Variants in EIF4E observed in about 807,000 individuals in gnomAD.
EIF4E encodes the protein eukaryotic translation initiation factor 4E.
For synonymous variants in EIF4E, 71 were observed against 88.5 expected (o/e 0.80, Z 1.11); for missense variants, 113 against 265.6 (o/e 0.43, Z 3.99).
chr4:98,896,021 C>A (rs184223489), intron 2 of EIF4E, among the ~76,000 whole-genome samples: 1 of 100,558 alleles, frequency 9.9e-6, no homozygotes, highest in East Asian at 2.0e-4. Flanking sequence ...CACGGTGAAA[C>A]CCCGTCTCTA....
At chr4:98,919,341 A>AC (rs200093698) in intron 1 of EIF4E, among the ~76,000 whole-genome samples, 1 of 147,050 alleles carries the variant, frequency 6.8e-6, no homozygotes, top group Non-Finnish European at 1.5e-5. Context: ...GCAAAAAAAA[A>AC]AAAAACAAAA....
At chr4:98,904,207 T>C (rs1724765064) in intron 1 of EIF4E, among the ~76,000 whole-genome samples, 2 of 152,168 alleles carry the variant, frequency 1.3e-5, no homozygotes, top group South Asian at 4.1e-4. Context: ...TGTCTGTAAT[T>C]GCAGCACTTT....
chr4:98,928,341 C>A (rs908693629), intron 1 of EIF4E, among the ~76,000 whole-genome samples: 5 of 152,054 alleles, frequency 3.3e-5, no homozygotes, highest in Non-Finnish European at 7.4e-5. Context: ...ATGTGATACC[C>A]CTTCTCACCA....
chr4:98,923,633 A>T (rs1015868955), intron 1 of EIF4E, among the ~76,000 whole-genome samples: 2 of 152,132 alleles, frequency 1.3e-5, no homozygotes, highest in Non-Finnish European at 1.5e-5. Context: ...TGGAGACATG[A>T]TTAGGGACTT....
intron 6 of EIF4E, among the ~76,000 whole-genome samples, chr4:98,884,540 C>T (rs932038192): frequency 6.6e-6 from 1 of 151,984 alleles, no homozygotes; most frequent in Non-Finnish European, 1.5e-5. Context: ...CTGGTCTCTA[C>T]TAAAAATATA....
At chr4:98,911,538 G>A (rs1725134799) in intron 1 of EIF4E, among the ~76,000 whole-genome samples, 1 of 149,562 alleles carries the variant, frequency 6.7e-6, no homozygotes, top group Non-Finnish European at 1.5e-5. Context: ...ACATACGCCT[G>A]TAATCCCAGC....
At chr4:98,927,472 ATGG>A (rs199646819) in intron 1 of EIF4E, among the ~76,000 whole-genome samples, 12,971 of 151,892 alleles carry the variant, frequency 0.085, 1,221 homozygotes, top group East Asian at 0.49. Context: ...CCTGGCCAAC[ATGG>A]TGGAACCCCG....
intron 1 of EIF4E, among the ~76,000 whole-genome samples, chr4:98,927,236 TA>T (rs751599294): frequency 1.3e-5 from 2 of 152,098 alleles, no homozygotes. Context: ...CTGGTGCCAA[TA>T]AAAAAACAAG....
Position 98,885,003 on chromosome 4 carries a change from A to G in EIF4E, c.458T>C (p.Val153Ala). 6.2e-7 allele frequency: 1 copy of G among 1,613,772 alleles called. No individual in the cohort carries two copies. The highest frequency in any genetic ancestry group is 1.1e-5 in the South Asian group (1 of 91,028). The change falls in exon 6 of 7, where the codon GTT becomes GCT. Residue 153 changes from valine (V) to alanine (A), a missense_variant. By Grantham distance (64) the Val-to-Ala change is moderately conservative (BLOSUM62 0). Transcript: ENST00000450253. ...ATCACCTTTAGCTCTAACATTAACAACAGCGCCACATACATCATCACTGTA... is the reference window on the plus strand; with the variant it reads ...ATCACCTTTAGCTCTAACATTAACAGCAGCGCCACATACATCATCACTGTA... ...DDYSDDVCGA[V>A]VNVRAKGDKI...
intron 1 of EIF4E, among the ~76,000 whole-genome samples, chr4:98,911,553 C>T (rs372528531): frequency 1.9e-4 from 28 of 147,620 alleles, no homozygotes; most frequent in African/African-American, 6.9e-4. Flanking sequence ...CCCAGCTACT[C>T]GGGAAGCTGA....
At chr4:98,919,433 A>C (rs531542721) in intron 1 of EIF4E, among the ~76,000 whole-genome samples, 113 of 152,166 alleles carry the variant, frequency 7.4e-4, no homozygotes, top group African/African-American at 2.6e-3. Flanking sequence ...CAGAGCGACA[A>C]GCTTTTCTAG....
chr4:98,892,496 T>C (rs1408691235), intron 2 of EIF4E, among the ~76,000 whole-genome samples: 1 of 151,542 alleles, frequency 6.6e-6, no homozygotes, highest in African/African-American at 2.4e-5. Context: ...CTGGCCAACA[T>C]GGTGAAACCT....
intron 1 of EIF4E, among the ~76,000 whole-genome samples, chr4:98,915,351 T>C (rs1394140611): frequency 6.6e-6 from 1 of 152,026 alleles, no homozygotes; most frequent in African/African-American, 2.4e-5. Flanking sequence ...AACCAAAATA[T>C]TACCAGAGAA....
intron 3 of EIF4E, among the ~76,000 whole-genome samples, 172 bp from the exon 4 acceptor site, chr4:98,888,124 T>A (rs1388970532): frequency 2.6e-5 from 4 of 152,134 alleles, no homozygotes; most frequent in Admixed American, 2.6e-4. Context: ...TAAAAGCAGT[T>A]AAATAATCAA....
chr4:98,884,581 G>C (rs779298183), intron 6 of EIF4E, among the ~76,000 whole-genome samples: 1 of 152,066 alleles, frequency 6.6e-6, no homozygotes, highest in Non-Finnish European at 1.5e-5. Context: ...GCATGCGCCT[G>C]TATTCCCAGC....
At chr4:98,910,582 T>C (rs541819148) in intron 1 of EIF4E, among the ~76,000 whole-genome samples, 2 of 152,306 alleles carry the variant, frequency 1.3e-5, no homozygotes, top group East Asian at 3.9e-4. Flanking sequence ...TGAATAGAGC[T>C]GATTAAGTTT....
intron 2 of EIF4E, among the ~76,000 whole-genome samples, chr4:98,894,690 A>G (rs1724290563): frequency 6.6e-6 from 1 of 152,172 alleles, no homozygotes; most frequent in Non-Finnish European, 1.5e-5. Context: ...CTTACTCTAT[A>G]TCAGCAATAA....
chr4:98,928,896 A>C, intron 1 of EIF4E, 199 bp downstream of exon 1: 1 of 1,555,716 alleles, frequency 6.4e-7, no homozygotes, highest in Non-Finnish European at 8.7e-7. Context: ...GGCCCCCACC[A>C]GAAAGTGTGC....
chr4:98,909,617 AAAT>A (rs1309595163), intron 1 of EIF4E: 4 of 682,772 alleles, frequency 5.9e-6, no homozygotes, highest in Non-Finnish European at 1.1e-5. Flanking sequence ...TCACTTTCTA[AAAT>A]CTGCCAAAGA....
Sources: allele counts gnomAD v4.1 joint callset (sites outside exome capture counted in the v4.1 genomes callset), GRCh38; gene constraint gnomAD v4.1.1; transcripts MANE v1.5; gene names NCBI Gene and HGNC (gene_info 2026-07-23, HGNC 2026-07-21).